Variants in KIAA1549L observed in about 807,000 individuals in gnomAD.
KIAA1549L encodes UPF0606 protein KIAA1549L.
Under a neutral mutation model 160.7 loss-of-function variants are expected in KIAA1549L, and 88 were observed. The ratio of observed to expected loss-of-function variants is 0.55; its 90% confidence interval spans 0.46 to 0.65. KIAA1549L has a LOEUF of 0.65. KIAA1549L is among the 30% of genes least tolerant of loss of function. KIAA1549L has a pLI of 0.00. For missense variants in KIAA1549L, 2,258 were observed against 2,437.5 expected (o/e 0.93, Z 1.55); for synonymous variants, 950 against 976.7 (o/e 0.97, Z 0.51).
chr11:33,477,945 C>A (rs1852324989), intron 1 of KIAA1549L, among the ~76,000 whole-genome samples: 1 of 152,190 alleles, frequency 6.6e-6, no homozygotes, highest in Non-Finnish European at 1.5e-5. Flanking sequence ...GCACAGAGCA[C>A]CTGCTGTACT....
chr11:33,559,189 G>A (rs1294891200), intron 6 of KIAA1549L, among the ~76,000 whole-genome samples: 1 of 152,112 alleles, frequency 6.6e-6, no homozygotes. Flanking sequence ...GACCAGACTG[G>A]TTTTCAGCTC....
intron 1 of KIAA1549L, among the ~76,000 whole-genome samples, chr11:33,495,775 C>G (rs537297904): frequency 2.0e-5 from 3 of 151,926 alleles, no homozygotes; most frequent in Non-Finnish European, 4.4e-5. Flanking sequence ...TCTCCACATC[C>G]TCTCCAGCAC....
At chr11:33,484,981 T>A (rs532092247) in intron 1 of KIAA1549L, among the ~76,000 whole-genome samples, 3 of 152,332 alleles carry the variant, frequency 2.0e-5, no homozygotes, top group African/African-American at 7.2e-5. Context: ...CTTGGTTTCC[T>A]TTTTCATTTC....
intron 1 of KIAA1549L, among the ~76,000 whole-genome samples, chr11:33,382,270 G>C (rs1850087361): frequency 6.6e-6 from 1 of 152,100 alleles, no homozygotes; most frequent in Non-Finnish European, 1.5e-5. Context: ...GGTGTCCTGG[G>C]TGCTAAGAGA....
At chr11:33,528,808 A>C (rs1339084896) in intron 1 of KIAA1549L, among the ~76,000 whole-genome samples, 12 of 152,056 alleles carry the variant, frequency 7.9e-5, no homozygotes, top group Non-Finnish European at 1.5e-5. Flanking sequence ...GATATAATGG[A>C]CTCTGGGGAC....
At chr11:33,441,662 G>A (rs11032274) in intron 1 of KIAA1549L, among the ~76,000 whole-genome samples, 24,239 of 152,118 alleles carry the variant, frequency 0.16, 2,463 homozygotes, top group Non-Finnish European at 0.22. Flanking sequence ...GCATTTCTCT[G>A]ATGGCCAGTG....
At chr11:33,495,085 T>C (rs1440980625) in intron 1 of KIAA1549L, among the ~76,000 whole-genome samples, 1 of 151,874 alleles carries the variant, frequency 6.6e-6, no homozygotes, top group Non-Finnish European at 1.5e-5. Context: ...TTTGCTACTT[T>C]ATTATTATTA....
At chr11:33,447,649 A>C (rs1490071731) in intron 1 of KIAA1549L, among the ~76,000 whole-genome samples, 2 of 151,496 alleles carry the variant, frequency 1.3e-5, no homozygotes, top group Non-Finnish European at 2.9e-5. Flanking sequence ...ACACACACAA[A>C]ATTTTAGCAT....
chr11:33,559,608 G>T, intron 6 of KIAA1549L, 141 bp from the exon 7 acceptor site: 2 of 674,394 alleles, frequency 3.0e-6, no homozygotes, highest in South Asian at 3.6e-5. Flanking sequence ...GGTTACTCTT[G>T]TCTGTTCCTT....
At position 33,661,857 on chromosome 11, in the gene KIAA1549L, G is replaced by A. The variant is rs892588180; in HGVS notation, c.6159+843G>A. 4.4e-5 allele frequency among the ~76,000 whole-genome samples: 6 copies of A among 136,890 alleles called. No individual in the cohort carries two copies. The South Asian group carries it at 1.2e-3, about 27-fold the overall frequency. 89.8% of individuals were successfully genotyped at this position (136,890 alleles called of 152,430 possible). A position where few individuals can be genotyped will look rare whatever the true frequency, so the allele number is the denominator to read the frequency against. ...ATCGCGCCACTCCACTCCCGCTGGG[G>A]CGATAGAGCAAGACTATGTCTCAAA... On this transcript the variant is annotated intron_variant, in intron 20 of 20. Coordinates refer to ENST00000658780, the MANE Select transcript of KIAA1549L (RefSeq NM_012194.3).
At chr11:33,630,478 C>T (rs945186422) in intron 16 of KIAA1549L, among the ~76,000 whole-genome samples, 2 of 152,250 alleles carry the variant, frequency 1.3e-5, no homozygotes, top group African/African-American at 4.8e-5. Context: ...GATATAATCT[C>T]CTGGTGCGCC....
chr11:33,538,704 A>G (rs1042620260), intron 1 of KIAA1549L, among the ~76,000 whole-genome samples: 17 of 152,362 alleles, frequency 1.1e-4, no homozygotes, highest in African/African-American at 3.8e-4. Flanking sequence ...TAAGAGGCAC[A>G]TGAGTGTTGA....
intron 6 of KIAA1549L, among the ~76,000 whole-genome samples, chr11:33,556,886 T>TA (rs1179646906): frequency 6.6e-6 from 1 of 152,172 alleles, no homozygotes; most frequent in Non-Finnish European, 1.5e-5. Context: ...TTTACCACAA[T>TA]AAAAAAATAA....
chr11:33,635,918 G>A (rs935304886), intron 16 of KIAA1549L, among the ~76,000 whole-genome samples: 1 of 152,070 alleles, frequency 6.6e-6, no homozygotes, highest in Non-Finnish European at 1.5e-5. Flanking sequence ...AGCTACTTAC[G>A]GTCAACTATG....
intron 1 of KIAA1549L, among the ~76,000 whole-genome samples, chr11:33,490,243 A>G (rs1852625692): frequency 6.6e-6 from 1 of 151,916 alleles, no homozygotes; most frequent in Non-Finnish European, 1.5e-5. Flanking sequence ...AGAACAGATT[A>G]TCTTTCTCCT....
At chr11:33,660,213 G>A (rs909955824) in intron 19 of KIAA1549L, among the ~76,000 whole-genome samples, 1 of 152,224 alleles carries the variant, frequency 6.6e-6, no homozygotes, top group African/African-American at 2.4e-5. Flanking sequence ...TGGCCTCTAG[G>A]CCAGATGCTC....
chr11:33,592,848 G>A (rs149502475), intron 12 of KIAA1549L, among the ~76,000 whole-genome samples: 7 of 152,172 alleles, frequency 4.6e-5, no homozygotes, highest in African/African-American at 1.7e-4. Flanking sequence ...CCTGATTGAG[G>A]TATAAACCAC....
At chr11:33,407,852 A>G (rs1271048171) in intron 1 of KIAA1549L, among the ~76,000 whole-genome samples, 2 of 152,118 alleles carry the variant, frequency 1.3e-5, no homozygotes, top group African/African-American at 4.8e-5. Context: ...GCGCCCGTCT[A>G]TCCATTTTCT....
Position 33,453,872 on chromosome 11 carries a change from CA to C in KIAA1549L, c.238+76985del, listed in dbSNP as rs573355677. On this transcript the variant is annotated intron_variant, in intron 1 of 20. Transcript: ENST00000658780. ...AAGTAAAACACATGATTAGTTCATT[CA>C]ATATCCAGTTGCACCCTTCCAGGTG... Among the ~76,000 whole-genome samples, 7 of 152,278 alleles carry C rather than the reference CA, an allele frequency of 4.6e-5. No individual in the cohort carries two copies. The South Asian group carries it at 1.5e-3, about 32-fold the overall frequency.
Sources: gnomAD v4.1 joint callset for allele counts (sites outside exome capture counted in the v4.1 genomes callset) on GRCh38, gnomAD v4.1.1 for gene constraint, MANE v1.5 for transcripts, NCBI Gene and HGNC (gene_info 2026-07-23, HGNC 2026-07-21) for gene names.